Variants in CDH18 observed in about 807,000 individuals in gnomAD.
CDH18 encodes cadherin 18.
A neutral mutation model predicts 67.9 loss-of-function variants in CDH18; 31 were observed. The observed-to-expected ratio is 0.46, with a 90% confidence interval of 0.34 to 0.62. The LOEUF (loss-of-function observed/expected upper bound fraction) is 0.62, where lower values mean the gene tolerates loss of function less well. CDH18 is among the 20% of genes least tolerant of loss of function. The probability of loss-of-function intolerance (pLI) is 0.01; values close to 1 mark genes in which losing one functional copy is unlikely to be tolerated. For synonymous variants in CDH18, 362 were observed against 347.2 expected, an observed-to-expected ratio of 1.04 and a Z score of -0.48; for missense variants, 890 against 975.5, an observed-to-expected ratio of 0.91 and a Z score of 1.17.
Position 19,960,651 on chromosome 5 carries a change from GTATATA to G in CDH18, c.-257+20403_-257+20408del, listed in dbSNP as rs138405594. ...CGTGTATATGTATACATATACACGTGTATATATATATACACATGTATATATATGTAT... is the reference window on the plus strand; with the variant it reads ...CGTGTATATGTATACATATACACGTGTATATACACATGTATATATATGTAT... On this transcript the variant is annotated intron_variant, in intron 2 of 12. Transcript: ENST00000382275. Among the ~76,000 whole-genome samples the G allele has an allele frequency of 8.4e-5, 10 of 119,502 alleles. No homozygotes were observed. In the East Asian group the frequency reaches 1.5e-3, roughly 19 times the overall value. 78.4% of individuals were successfully genotyped at this position (119,502 alleles called of 152,430 possible). A position where few individuals can be genotyped will look rare whatever the true frequency, so the allele number is the denominator to read the frequency against.
intron 2 of CDH18, among the ~76,000 whole-genome samples, chr5:19,846,786 T>A (rs13185336): frequency 1.3e-5 from 2 of 151,966 alleles, no homozygotes; most frequent in Admixed American, 6.6e-5. Context: ...AAAAGACTCC[T>A]TTTGGAATCT....
At chr5:20,207,254 T>C (rs1247758636) in intron 2 of CDH18, among the ~76,000 whole-genome samples, 1 of 151,224 alleles carries the variant, frequency 6.6e-6, no homozygotes, top group Non-Finnish European at 1.5e-5. Flanking sequence ...TAATACAAAA[T>C]ATGTAGAAAT....
chr5:20,260,824 G>C (rs760050547), intron 1 of CDH18, among the ~76,000 whole-genome samples: 1 of 152,118 alleles, frequency 6.6e-6, no homozygotes, highest in Non-Finnish European at 1.5e-5. Flanking sequence ...CTGACATCTG[G>C]CTAATAGCCA....
chr5:20,315,730 C>A (rs1490098597), intron 1 of CDH18, among the ~76,000 whole-genome samples: 1 of 152,240 alleles, frequency 6.6e-6, no homozygotes, highest in African/African-American at 2.4e-5. Flanking sequence ...TGATTGACAT[C>A]TTTTCATAAT....
chr5:19,925,374 G>T (rs1184914934), intron 2 of CDH18, among the ~76,000 whole-genome samples: 2 of 152,128 alleles, frequency 1.3e-5, no homozygotes, highest in East Asian at 3.9e-4. Context: ...TTATGGTATT[G>T]CAGTAAAAAT....
intron 3 of CDH18, among the ~76,000 whole-genome samples, chr5:19,805,471 T>C (rs1002941887): frequency 4.6e-5 from 7 of 152,276 alleles, no homozygotes; most frequent in African/African-American, 1.7e-4. Context: ...CCATATGTGT[T>C]TTCCTAACTC....
At chr5:19,842,586 T>C (rs1338966752) in intron 2 of CDH18, among the ~76,000 whole-genome samples, 2 of 152,202 alleles carry the variant, frequency 1.3e-5, no homozygotes, top group Non-Finnish European at 2.9e-5. Flanking sequence ...GGCTTGGGTA[T>C]TTCTTTATAG....
chr5:19,772,834 C>T (rs1262092852), intron 3 of CDH18, among the ~76,000 whole-genome samples: 1 of 152,124 alleles, frequency 6.6e-6, no homozygotes, highest in Non-Finnish European at 1.5e-5. Flanking sequence ...ATTATGTATG[C>T]ACAGGCATAA....
intron 1 of CDH18, among the ~76,000 whole-genome samples, chr5:20,293,621 GATT>G (rs1218245352): frequency 2.6e-5 from 4 of 152,102 alleles, no homozygotes; most frequent in African/African-American, 4.8e-5. Context: ...AATAAGTAGA[GATT>G]AATGCATGAA....
intron 2 of CDH18, among the ~76,000 whole-genome samples, chr5:20,093,168 C>T (rs967507113): frequency 2.0e-5 from 3 of 151,798 alleles, no homozygotes; most frequent in Non-Finnish European, 4.4e-5. Flanking sequence ...CCCAAGAATT[C>T]GAGACCAGTC....
At chr5:19,783,507 C>A (rs79004558) in intron 3 of CDH18, among the ~76,000 whole-genome samples, 1 of 152,040 alleles carries the variant, frequency 6.6e-6, no homozygotes, top group Non-Finnish European at 1.5e-5. Flanking sequence ...ATCTCATAGT[C>A]ACCTGAGCAT....
chr5:19,967,861 A>G (rs984647523), intron 2 of CDH18, among the ~76,000 whole-genome samples: 20 of 152,134 alleles, frequency 1.3e-4, no homozygotes, highest in African/African-American at 4.8e-4. Flanking sequence ...CAGGAGAAGG[A>G]AATAAAGGGT....
At chr5:20,534,323 A>G (rs1756587125) in intron 1 of CDH18, among the ~76,000 whole-genome samples, 1 of 152,100 alleles carries the variant, frequency 6.6e-6, no homozygotes, top group Non-Finnish European at 1.5e-5. Context: ...ATTTGATTAA[A>G]TATAGCTTGA....
At chr5:20,421,899 T>A (rs78563971) in intron 1 of CDH18, among the ~76,000 whole-genome samples, 1 of 150,614 alleles carries the variant, frequency 6.6e-6, no homozygotes, top group African/African-American at 2.5e-5. Flanking sequence ...TAGTACACAT[T>A]GTACTAATAT....
intron 2 of CDH18, among the ~76,000 whole-genome samples, chr5:19,971,858 A>AG (rs1169147617): frequency 4.0e-4 from 51 of 126,942 alleles, no homozygotes; most frequent in Middle Eastern, 3.8e-3. Flanking sequence ...TAAAAAAAAA[A>AG]AGAGAGAGAG....
chr5:19,847,011 G>A (rs1783052418), intron 2 of CDH18, among the ~76,000 whole-genome samples: 2 of 151,930 alleles, frequency 1.3e-5, no homozygotes, highest in South Asian at 4.2e-4. Context: ...TAGTCTTGTG[G>A]AAGTTCTCTT....
At chr5:19,833,090 C>T (rs1006350227) in intron 3 of CDH18, among the ~76,000 whole-genome samples, 2 of 152,064 alleles carry the variant, frequency 1.3e-5, no homozygotes, top group African/African-American at 4.8e-5. Flanking sequence ...ATGGGAATAG[C>T]ATTGAATCTA....
chr5:20,315,697 C>A (rs551420042), intron 1 of CDH18, among the ~76,000 whole-genome samples: 2 of 152,124 alleles, frequency 1.3e-5, no homozygotes, highest in Non-Finnish European at 2.9e-5. Flanking sequence ...GTGCTTCTAA[C>A]ACTCATCCTC....
intron 2 of CDH18, among the ~76,000 whole-genome samples, chr5:20,099,945 A>G (rs111476943): frequency 0.024 from 3,584 of 151,926 alleles, 138 homozygotes; most frequent in African/African-American, 0.077. Context: ...CACCACGCCC[A>G]GCTCATTCTT....
Sources: gnomAD v4.1 joint callset for allele counts (sites outside exome capture counted in the v4.1 genomes callset) on GRCh38, gnomAD v4.1.1 for gene constraint, MANE v1.5 for transcripts, NCBI Gene and HGNC (gene_info 2026-07-23, HGNC 2026-07-21) for gene names.